DSCAML1: variants seen among roughly 807,000 people sequenced by gnomAD.
DSCAML1 encodes the protein cell adhesion molecule DSCAML1.
A neutral mutation model predicts 200.5 loss-of-function variants in DSCAML1; 38 were observed. The ratio of observed to expected loss-of-function variants is 0.19; its 90% CI spans 0.15 to 0.25. DSCAML1 has a LOEUF of 0.25. Among genes scored for constraint, DSCAML1 ranks in the 10% least tolerant of loss-of-function variants. The pLI, the probability that DSCAML1 is intolerant of heterozygous loss-of-function variation, is 1.00. For synonymous variants in DSCAML1, 1,215 were observed against 1,165.0 expected, an observed-to-expected ratio of 1.04 and a Z score of -0.87; for missense variants, 2,223 against 2,858.8, an observed-to-expected ratio of 0.78 and a Z score of 5.07.
In DSCAML1 at chr11:117,482,015, C is replaced by T. The variant is rs140050782; in HGVS notation, c.2507G>A (p.Arg836Gln). The T allele has an allele frequency of 3.1e-5, 50 of 1,614,146 alleles. No homozygotes were observed. Among genetic ancestry groups the T allele is most frequent in the East Asian group, 1.1e-4 (5 of 44,882 alleles). Reference protein sequence around the residue: ...DTVIDPDRVMRYAIATKDNGD... With the variant: ...DTVIDPDRVMQYAIATKDNGD... ...GTTGTCCTTGGTGGCGATGGCATAC[C>T]GCATGACGCGGTCAGGGTCGATGAC... is the stretch of plus-strand genomic sequence containing the variant. The change falls in exon 12 of 33, where the codon CGG becomes CAG. Residue 836 changes from arginine (R) to glutamine (Q), a missense_variant. By Grantham distance (43) the Arg-to-Gln change is conservative. Coordinates refer to ENST00000651296, the MANE Select transcript of DSCAML1 (RefSeq NM_020693.4).
At chr11:117,466,712 G>A (rs2048587590) in intron 16 of DSCAML1, among the ~76,000 whole-genome samples, 1 of 152,156 alleles carries the variant, frequency 6.6e-6, no homozygotes, top group Admixed American at 6.5e-5. Flanking sequence ...TTCACGGGGA[G>A]CTCATGGTTC....
intron 3 of DSCAML1, among the ~76,000 whole-genome samples, chr11:117,663,595 C>G (rs569865589): frequency 1.3e-5 from 2 of 152,260 alleles, no homozygotes; most frequent in Admixed American, 1.3e-4. Context: ...GAGGCTCTCT[C>G]TCACTGTGCC....
chr11:117,656,128 C>T (rs2052729622), intron 3 of DSCAML1, among the ~76,000 whole-genome samples: 1 of 152,222 alleles, frequency 6.6e-6, no homozygotes, highest in African/African-American at 2.4e-5. Flanking sequence ...ATCTCAGCCA[C>T]TCGGGAAGCT....
rs150956403 is a variant in DSCAML1, at chr11:117,571,867, G to C, written c.512-39345C>G. 8.6e-4 allele frequency among the ~76,000 whole-genome samples: 131 copies of C among 152,320 alleles called. 1 individual carries two copies. Among genetic ancestry groups the C allele is most frequent in the African/African-American group, 3.1e-3 (127 of 41,566 alleles). On this transcript the variant is annotated intron_variant, in intron 3 of 32. Coordinates refer to ENST00000651296, the MANE Select transcript of DSCAML1 (RefSeq NM_020693.4). ...TGCTGATAAAACAGGTTGCAGTAAA[G>C]GAGCTGGCCAAAACCCACCAAAACC...
At chr11:117,523,799 C>A (rs1009350345) in intron 5 of DSCAML1, among the ~76,000 whole-genome samples, 2 of 152,200 alleles carry the variant, frequency 1.3e-5, no homozygotes, top group Non-Finnish European at 2.9e-5. Flanking sequence ...GGTGGGATCA[C>A]CTCTGGACGT....
intron 3 of DSCAML1, among the ~76,000 whole-genome samples, chr11:117,583,982 CT>C (rs1162011950): frequency 6.6e-6 from 1 of 152,214 alleles, no homozygotes; most frequent in African/African-American, 2.4e-5. Flanking sequence ...CCTGGTACCC[CT>C]GTACACGGCC....
intron 3 of DSCAML1, among the ~76,000 whole-genome samples, chr11:117,720,431 C>A (rs918441380): frequency 6.6e-6 from 1 of 151,826 alleles, no homozygotes; most frequent in Non-Finnish European, 1.5e-5. Flanking sequence ...GGGAGGGAGC[C>A]GAGGGCTGAA....
chr11:117,740,050 AT>A (rs2137837789), intron 3 of DSCAML1, among the ~76,000 whole-genome samples: 1 of 152,296 alleles, frequency 6.6e-6, no homozygotes, highest in South Asian at 2.1e-4. Context: ...CCCAAAAGGG[AT>A]GTTTCCAACA....
intron 3 of DSCAML1, among the ~76,000 whole-genome samples, chr11:117,545,255 A>G (rs1385663559): frequency 6.7e-6 from 1 of 150,082 alleles, no homozygotes; most frequent in African/African-American, 2.5e-5. Flanking sequence ...ACACACACAC[A>G]CACACAAAAC....
chr11:117,641,589 G>C (rs1041631984), intron 3 of DSCAML1, among the ~76,000 whole-genome samples: 5 of 152,150 alleles, frequency 3.3e-5, no homozygotes. Context: ...GGAGGGACTC[G>C]GGCAGCATGG....
At chr11:117,633,594 G>A (rs971493746) in intron 3 of DSCAML1, among the ~76,000 whole-genome samples, 3 of 152,204 alleles carry the variant, frequency 2.0e-5, no homozygotes, top group Non-Finnish European at 4.4e-5. Flanking sequence ...TCGTCTGGGC[G>A]ATTTGAAAGG....
intron 3 of DSCAML1, among the ~76,000 whole-genome samples, chr11:117,750,126 G>A (rs578249202): frequency 1.3e-5 from 2 of 152,292 alleles, no homozygotes; most frequent in South Asian, 4.1e-4. Context: ...GGGAAATGTT[G>A]GGTAAAGGGG....
chr11:117,434,173 C>T (rs1019770119), intron 27 of DSCAML1, among the ~76,000 whole-genome samples: 2 of 152,148 alleles, frequency 1.3e-5, no homozygotes, highest in Non-Finnish European at 2.9e-5. Flanking sequence ...TCCATTCACC[C>T]ATCCATTGAT....
intron 4 of DSCAML1, among the ~76,000 whole-genome samples, chr11:117,529,711 G>T (rs1311857583): frequency 6.6e-6 from 1 of 151,888 alleles, no homozygotes; most frequent in East Asian, 1.9e-4. Context: ...GGAGCTCTCG[G>T]GGGTCCTGGC....
In DSCAML1 at chr11:117,764,375, G is replaced by A. The variant is rs182733441; in HGVS notation, c.511+12416C>T. On this transcript the variant is annotated intron_variant, in intron 3 of 32. Coordinates refer to ENST00000651296, the MANE Select transcript of DSCAML1 (RefSeq NM_020693.4). Reference sequence around the variant, plus strand: ...ATGCATGCATGCTATTTATACACATGCACGCATATATATTTTAATTAAAAT... The same window carrying A: ...ATGCATGCATGCTATTTATACACATACACGCATATATATTTTAATTAAAAT... 7.2e-5 allele frequency among the ~76,000 whole-genome samples: 11 copies of A among 152,266 alleles called. No individual in the cohort carries two copies. In the East Asian group the frequency reaches 2.1e-3, roughly 29 times the overall value.
At position 117,772,296 on chromosome 11, in the gene DSCAML1, A is replaced by T. The variant is rs112692653; in HGVS notation, c.511+4495T>A. ...CAAAGGTGGGCTGCAGGGAGGAAGCACTGCCTGATAGGAATCCTTATATGA... is the reference window on the plus strand; with the variant it reads ...CAAAGGTGGGCTGCAGGGAGGAAGCTCTGCCTGATAGGAATCCTTATATGA... On this transcript the variant is annotated intron_variant, in intron 3 of 32. Coordinates refer to ENST00000651296, the MANE Select transcript of DSCAML1 (RefSeq NM_020693.4). Among the ~76,000 whole-genome samples the T allele has an allele frequency of 5.6e-3, 847 of 152,270 alleles. 7 individuals are homozygous for T. Among genetic ancestry groups the T allele is most frequent in the African/African-American group, 0.02 (812 of 41,552 alleles).
chr11:117,591,031 G>T (rs561651067), intron 3 of DSCAML1, among the ~76,000 whole-genome samples: 1 of 152,046 alleles, frequency 6.6e-6, no homozygotes, highest in Non-Finnish European at 1.5e-5. Context: ...TGAGTGATGG[G>T]TATATGAGGT....
At chr11:117,433,373 G>T in intron 28 of DSCAML1, 68 bp downstream of exon 28, 4 of 1,596,088 alleles carry the variant, frequency 2.5e-6, no homozygotes, top group Non-Finnish European at 2.6e-6. Flanking sequence ...TTCAGAGCGA[G>T]GCTCCTGGGT....
chr11:117,435,584 G>T, intron 27 of DSCAML1, 60 bp downstream of exon 27: 3 of 1,528,788 alleles, frequency 2.0e-6, no homozygotes, highest in Middle Eastern at 1.9e-4. Context: ...GGGAAGGGGG[G>T]GGACAATGTG....
Sources: gnomAD v4.1 joint callset for allele counts (sites outside exome capture counted in the v4.1 genomes callset) on GRCh38, gnomAD v4.1.1 for gene constraint, MANE v1.5 for transcripts, NCBI Gene and HGNC (gene_info 2026-07-23, HGNC 2026-07-21) for gene names.